TRIM24: variants seen among roughly 807,000 people sequenced by gnomAD.
TRIM24 encodes tripartite motif containing 24, also known as transcription intermediary factor 1-alpha.
In TRIM24, 29 loss-of-function variants were observed where a neutral mutation model predicts 123.9. The ratio of observed to expected loss-of-function variants is 0.23; its 90% CI spans 0.17 to 0.32. The LOEUF (loss-of-function observed/expected upper bound fraction) is 0.32, where lower values mean the gene tolerates loss of function less well. TRIM24 is among the 10% of genes least tolerant of loss of function. The probability of loss-of-function intolerance (pLI) is 1.00; values close to 1 mark genes in which losing one functional copy is unlikely to be tolerated. For missense variants in TRIM24, 932 were observed against 1,295.3 expected (o/e 0.72, Z 4.31); for synonymous variants, 456 against 461.1 (o/e 0.99, Z 0.14).
intron 2 of TRIM24, among the ~76,000 whole-genome samples, chr7:138,513,210 T>C (rs1396855851): frequency 6.6e-6 from 1 of 152,204 alleles, no homozygotes; most frequent in Non-Finnish European, 1.5e-5. Flanking sequence ...GTCCCAACAA[T>C]TTAACAAATC....
chr7:138,508,676 T>TGCGTGC (rs1554436580), intron 2 of TRIM24, among the ~76,000 whole-genome samples: 1 of 55,760 alleles, frequency 1.8e-5, no homozygotes, highest in Non-Finnish European at 3.8e-5. Context: ...TGTGTGTGTG[T>TGCGTGC]GTGTGTGTGT....
intron 1 of TRIM24, among the ~76,000 whole-genome samples, chr7:138,475,576 C>T (rs901184079): frequency 4.6e-5 from 7 of 152,154 alleles, no homozygotes; most frequent in African/African-American, 1.7e-4. Context: ...GGCTATAGTG[C>T]AGTGGTGTGA....
At chr7:138,524,643 ATCTT>A (rs1563045688) in intron 4 of TRIM24, among the ~76,000 whole-genome samples, 3 of 152,224 alleles carry the variant, frequency 2.0e-5, no homozygotes, top group African/African-American at 7.2e-5. Flanking sequence ...TTGCCTTTCT[ATCTT>A]CTCTAGAACT....
chr7:138,490,272 T>TA (rs1344838651), intron 1 of TRIM24, among the ~76,000 whole-genome samples: 2 of 152,190 alleles, frequency 1.3e-5, no homozygotes, highest in African/African-American at 4.8e-5. Flanking sequence ...TCAAGGTTTT[T>TA]AGCTTCCTTG....
rs1005874456 is a variant in TRIM24, at chr7:138,583,852, G to T, written c.2796G>T (p.Val932=). The change falls in exon 18 of 19, where the codon GTG becomes GTT. Residue 932 remains valine, a splice_region_variant and synonymous_variant. Transcript: ENST00000343526. ...ATAACATCTCATTTTTTTAATAGGT[G>T]CCTGATTATTACAAAATAATTAAAA... The part of the protein sequence containing the change: ...LAFQDPVPLT[V]PDYYKIIKNP... 6.4e-7 allele frequency: 1 copy of T among 1,556,672 alleles called. No individual in the cohort carries two copies. The highest frequency in any genetic ancestry group is 1.2e-5 in the South Asian group (1 of 83,832).
Position 138,460,412 on chromosome 7 carries a change from C to T in TRIM24, c.-137C>T. ...GAGGAGGCTTCCCCCGCCCGGTTTG[C>T]TTTCCCTCCCTCGCTGGCGCTGCCG... On this transcript the variant is annotated 5_prime_UTR_variant, in exon 1 of 19. Coordinates refer to ENST00000343526, the MANE Select transcript of TRIM24 (RefSeq NM_015905.3). 1 of 1,004,178 alleles carries T rather than the reference C, an allele frequency of 1.0e-6. No homozygotes were observed. Among genetic ancestry groups the T allele is most frequent in the South Asian group, 4.6e-5 (1 of 21,758 alleles). 62.2% of individuals were successfully genotyped at this position (1,004,178 alleles called of 1,614,324 possible). A position where few individuals can be genotyped will look rare whatever the true frequency, so the allele number is the denominator to read the frequency against.
Position 138,515,194 on chromosome 7 carries a change from C to T in TRIM24, c.484-18C>T. On this transcript the variant is annotated intron_variant, in intron 2 of 18. Transcript: ENST00000343526. ...TTTCATTTTCTCAAAAATTTACGTG[C>T]CATGGTTCTTTTGTCAGGTATGTAC... 6.3e-7 allele frequency: 1 copy of T among 1,593,890 alleles called. No homozygotes were observed. Among genetic ancestry groups the T allele is most frequent in the South Asian group, 1.1e-5 (1 of 89,454 alleles).
intron 1 of TRIM24, among the ~76,000 whole-genome samples, chr7:138,482,194 T>C (rs1020882753): frequency 6.6e-6 from 1 of 152,192 alleles, no homozygotes; most frequent in Non-Finnish European, 1.5e-5. Flanking sequence ...ATTGTCCTCC[T>C]GTCTTGGTCT....
intron 1 of TRIM24, among the ~76,000 whole-genome samples, chr7:138,488,022 A>C (rs868207729): frequency 7.3e-5 from 11 of 151,644 alleles, no homozygotes; most frequent in Non-Finnish European, 1.0e-4. Flanking sequence ...AATTTCAGAG[A>C]CTGTTATTGG....
intron 4 of TRIM24, among the ~76,000 whole-genome samples, chr7:138,522,288 A>G (rs981735303): frequency 1.3e-5 from 2 of 151,868 alleles, no homozygotes; most frequent in African/African-American, 4.8e-5. Flanking sequence ...GTGAGCTGAG[A>G]TGGCACCATT....
chr7:138,461,288 CA>C, intron 1 of TRIM24: 1 of 555,122 alleles, frequency 1.8e-6, no homozygotes, highest in Non-Finnish European at 3.5e-6. Context: ...GCTGCCTCCA[CA>C]AAGCTTTGTC....
At chr7:138,573,168 G>A (rs1466164197) in intron 11 of TRIM24, among the ~76,000 whole-genome samples, 1 of 152,192 alleles carries the variant, frequency 6.6e-6, no homozygotes, top group Non-Finnish European at 1.5e-5. Flanking sequence ...GTAAAATTGT[G>A]ATAGTCTTCT....
chr7:138,554,017 C>T lies in TRIM24; in HGVS notation c.1262-681C>T, dbSNP rs778471679. Among the ~76,000 whole-genome samples, 4 of 152,196 alleles carry T rather than the reference C, an allele frequency of 2.6e-5. No homozygotes were observed. The highest frequency in any genetic ancestry group is 4.4e-5 in the Non-Finnish European group (3 of 68,030). Reference sequence around the variant, plus strand: ...GCACTTAGCACCCTCCCGCTAGCAACCTCCATGTGGCAACCTTCATTTAAC... The same window carrying T: ...GCACTTAGCACCCTCCCGCTAGCAATCTCCATGTGGCAACCTTCATTTAAC... On this transcript the variant is annotated intron_variant, in intron 8 of 18. Transcript: ENST00000343526. This position sits in a 1 kb window ranked among gnomAD's most constrained non-coding sequence, Gnocchi z 4.5.
At chr7:138,578,558 GTGTGT>G (rs869211366) in intron 14 of TRIM24, among the ~76,000 whole-genome samples, 7 of 130,526 alleles carry the variant, frequency 5.4e-5, no homozygotes, top group African/African-American at 1.9e-4. Context: ...GTGTGTGTGT[GTGTGT>G]GCGCGCACGC....
intron 6 of TRIM24, among the ~76,000 whole-genome samples, chr7:138,534,401 C>T (rs1796819130): frequency 6.6e-6 from 1 of 152,292 alleles, no homozygotes; most frequent in Admixed American, 6.5e-5. Context: ...CCCAGAGATC[C>T]AGGTACGTTG....
At chr7:138,508,704 T>TGC (rs1796213221) in intron 2 of TRIM24, among the ~76,000 whole-genome samples, 2 of 52,500 alleles carry the variant, frequency 3.8e-5, no homozygotes, top group African/African-American at 1.4e-4. Context: ...CGCGCGCGTG[T>TGC]GTGCGTGTGT....
chr7:138,499,485 A>G (rs1361870415), intron 1 of TRIM24, among the ~76,000 whole-genome samples: 1 of 152,218 alleles, frequency 6.6e-6, no homozygotes, highest in African/African-American at 2.4e-5. Flanking sequence ...AAGGCTTGGG[A>G]AAGCTGCCCA....
In TRIM24 at chr7:138,570,940, T is replaced by C. The variant is rs75552059; in HGVS notation, c.1815T>C (p.Gly605=). 7.8e-4 allele frequency: 1,264 copies of C among 1,614,148 alleles called. 13 individuals carry two copies. The African/African-American group carries it at 0.016, about 20-fold the overall frequency. ...SAAGYDGKAF[G]SPMIDLSSPV... The stretch of plus-strand genomic sequence containing the variant: ...CAGGATATGATGGAAAGGCTTTTGG[T>C]TCACCTATGATCGATTTGAGCTCAC... The change falls in exon 11 of 19, where the codon GGT becomes GGC. Residue 605 remains glycine (G), a synonymous_variant. Coordinates refer to ENST00000343526, the MANE Select transcript of TRIM24 (RefSeq NM_015905.3).
In TRIM24 at chr7:138,554,633, A is replaced by G; in HGVS notation, c.1262-65A>G. The G allele has an allele frequency of 1.9e-6, 3 of 1,540,698 alleles. No homozygotes were observed. The highest frequency in any genetic ancestry group is 2.6e-6 in the Non-Finnish European group (3 of 1,135,788). ...TTTGAAGTTCTGCAAAAATAGCTTT[A>G]GAAAATGTGATATTTCACCAACTAT... On this transcript the variant is annotated intron_variant, in intron 8 of 18. Coordinates refer to ENST00000343526, the MANE Select transcript of TRIM24 (RefSeq NM_015905.3). This position sits in a 1 kb window ranked among gnomAD's most constrained non-coding sequence, Gnocchi z 4.5.
Sources: gnomAD v4.1 joint callset for allele counts (sites outside exome capture counted in the v4.1 genomes callset) on GRCh38, gnomAD v4.1.1 for gene constraint, Gnocchi (gnomAD v3.1) non-coding constraint, MANE v1.5 for transcripts, NCBI Gene and HGNC (gene_info 2026-07-23, HGNC 2026-07-21) for gene names.